PPM1L: variants seen among roughly 807,000 people sequenced by gnomAD.
PPM1L encodes the protein protein phosphatase 1L.
PPM1L carries 13 observed loss-of-function variants against 31.4 expected under a neutral mutation model. The ratio of observed to expected loss-of-function variants is 0.41; its 90% CI spans 0.27 to 0.66. The LOEUF (loss-of-function observed/expected upper bound fraction) is 0.66. Among genes scored for constraint, PPM1L ranks in the 30% least tolerant of loss-of-function variants. PPM1L has a pLI of 0.29. For synonymous variants in PPM1L, 184 were observed against 175.4 expected (o/e 1.05, Z -0.39); for missense variants, 326 against 453.7 (o/e 0.72, Z 2.56).
intron 1 of PPM1L, among the ~76,000 whole-genome samples, chr3:160,796,126 T>C (rs1400070175): frequency 6.6e-6 from 1 of 152,212 alleles, no homozygotes; most frequent in East Asian, 1.9e-4. Flanking sequence ...AAATCTCTAC[T>C]CTTTTCTTTG....
intron 2 of PPM1L, among the ~76,000 whole-genome samples, chr3:161,056,326 A>G (rs1009282935): frequency 6.6e-6 from 1 of 152,154 alleles, no homozygotes; most frequent in Non-Finnish European, 1.5e-5. Flanking sequence ...CATCATTGTC[A>G]CCACTATTCC....
intron 1 of PPM1L, among the ~76,000 whole-genome samples, chr3:160,775,440 A>G (rs1711540504): frequency 6.6e-6 from 1 of 152,188 alleles, no homozygotes; most frequent in South Asian, 2.1e-4. Flanking sequence ...ACTCATGTTT[A>G]TTCTCTTTGC....
rs760907219 is a variant in PPM1L, at chr3:161,031,502, C to CTTTTTTTTTTTTTTTTTTTTTTTT, written c.575-33885_575-33884insTTTTTTTTTTTTTTTTTTTTTTTT. Among the ~76,000 whole-genome samples, 12 of 101,668 alleles carry CTTTTTTTTTTTTTTTTTTTTTTTT rather than the reference C, an allele frequency of 1.2e-4. 1 individual carries two copies. Among genetic ancestry groups the CTTTTTTTTTTTTTTTTTTTTTTTT allele is most frequent in the East Asian group, 4.2e-4 (1 of 2,390 alleles). 66.7% of individuals were successfully genotyped at this position (101,668 alleles called of 152,430 possible). A position where few individuals can be genotyped will look rare whatever the true frequency, so the allele number is the denominator to read the frequency against. ...GTGAATGGCAGCTATGTATTCTGTCCTTTTTTTTTTTTTTTTGAGAGAGAG... is the reference window on the plus strand; with the variant it reads ...GTGAATGGCAGCTATGTATTCTGTCCTTTTTTTTTTTTTTTTTTTTTTTTTTTTTTTTTTTTTTTTGAGAGAGAG... On this transcript the variant is annotated intron_variant, in intron 2 of 3. Coordinates refer to ENST00000498165, the MANE Select transcript of PPM1L (RefSeq NM_139245.4).
intron 1 of PPM1L, among the ~76,000 whole-genome samples, chr3:160,821,158 C>G (rs1050308745): frequency 6.6e-6 from 1 of 151,940 alleles, no homozygotes; most frequent in African/African-American, 2.4e-5. Flanking sequence ...CTTTTCCTTC[C>G]CCTATTCCTC....
intron 2 of PPM1L, among the ~76,000 whole-genome samples, chr3:160,972,285 G>A (rs917351595): frequency 5.8e-4 from 88 of 151,854 alleles, no homozygotes; most frequent in African/African-American, 2.1e-3. Context: ...TGCCATGTTG[G>A]TGTGCTGCAC....
In PPM1L at chr3:160,828,076, CA is replaced by C. The variant is rs376990038; in HGVS notation, c.399+71370del. The stretch of plus-strand genomic sequence containing the variant: ...GAGGGATCCACCCTCATGACGCAAA[CA>C]CCTCCCACCAGGCCGCACCTCCAGC... On this transcript the variant is annotated intron_variant, in intron 1 of 3. Coordinates refer to ENST00000498165, the MANE Select transcript of PPM1L (RefSeq NM_139245.4). Among the ~76,000 whole-genome samples the C allele has an allele frequency of 2.4e-4, 36 of 152,086 alleles. 2 individuals are homozygous for C. The East Asian group carries it at 3.9e-3, about 16-fold the overall frequency.
At chr3:160,932,840 G>A (rs763238661) in intron 1 of PPM1L, among the ~76,000 whole-genome samples, 15 of 152,118 alleles carry the variant, frequency 9.9e-5, no homozygotes, top group Non-Finnish European at 1.5e-4. Flanking sequence ...ACTGCTAAAC[G>A]ACCTGGGGAA....
chr3:161,024,781 G>T (rs982155800), intron 2 of PPM1L, among the ~76,000 whole-genome samples: 6 of 151,904 alleles, frequency 3.9e-5, no homozygotes, highest in Admixed American at 3.3e-4. Flanking sequence ...AGTTTTCTGG[G>T]GATGGAGCTC....
chr3:160,944,981 TA>T (rs1377627442), intron 1 of PPM1L, among the ~76,000 whole-genome samples: 4 of 40,858 alleles, frequency 9.8e-5, no homozygotes, highest in East Asian at 3.2e-4. Context: ...TATATATAAC[TA>T]TATATAACAT....
In PPM1L at chr3:161,065,434, T is replaced by TA; in HGVS notation, c.609dup (p.Asp204ArgfsTer9). 1 of 1,614,060 alleles carries TA rather than the reference T, an allele frequency of 6.2e-7. No homozygotes were observed. Among genetic ancestry groups the TA allele is most frequent in the Non-Finnish European group, 8.5e-7 (1 of 1,179,960 alleles). On this transcript the variant is annotated frameshift_variant, in exon 3 of 4. Transcript: ENST00000498165. LOFTEE classifies it high-confidence loss of function. ...CGTGTTTGATTGCTCTGCTATCAGATAAAGACCTCACTGTGGCCAACGTGG... is the reference window on the plus strand; with the variant it reads ...CGTGTTTGATTGCTCTGCTATCAGATAAAAGACCTCACTGTGGCCAACGTGG...
At position 160,961,927 on chromosome 3, in the gene PPM1L, A is replaced by T; in HGVS notation, c.574+17A>T. On this transcript the variant is annotated intron_variant, in intron 2 of 3. Coordinates refer to ENST00000498165, the MANE Select transcript of PPM1L (RefSeq NM_139245.4). ...ATGAAGCAGGTATGTTTGTTTTTAA[A>T]ACACACATTTTTTTTCCTTGCAAAA... is the stretch of plus-strand genomic sequence containing the variant. The T allele has an allele frequency of 1.3e-6, 2 of 1,531,538 alleles. No homozygotes were observed. Among genetic ancestry groups the T allele is most frequent in the Non-Finnish European group, 1.7e-6 (2 of 1,145,228 alleles). 94.9% of individuals were successfully genotyped at this position (1,531,538 alleles called of 1,614,324 possible).
At chr3:160,807,592 G>A (rs1198904744) in intron 1 of PPM1L, among the ~76,000 whole-genome samples, 1 of 152,146 alleles carries the variant, frequency 6.6e-6, no homozygotes, top group Non-Finnish European at 1.5e-5. Context: ...TATCTGATGT[G>A]GATAACGCAC....
intron 1 of PPM1L, among the ~76,000 whole-genome samples, chr3:160,931,984 A>G (rs1167653533): frequency 8.0e-6 from 1 of 125,594 alleles, no homozygotes; most frequent in African/African-American, 2.5e-5. Flanking sequence ...CAGAGGAGTC[A>G]TTCTTTTGTT....
chr3:161,001,887 G>A (rs1244101817), intron 2 of PPM1L, among the ~76,000 whole-genome samples: 2 of 152,054 alleles, frequency 1.3e-5, no homozygotes, highest in African/African-American at 4.8e-5. Context: ...TGCACAAGGT[G>A]CAGGTTAGTT....
chr3:160,781,871 G>T (rs1711756921), intron 1 of PPM1L, among the ~76,000 whole-genome samples: 1 of 152,138 alleles, frequency 6.6e-6, no homozygotes, highest in African/African-American at 2.4e-5. Context: ...GTACCTATGT[G>T]TCTTGTTTAA....
intron 2 of PPM1L, among the ~76,000 whole-genome samples, chr3:161,041,750 AAAAC>A (rs989783073): frequency 1.1e-4 from 16 of 152,274 alleles, no homozygotes; most frequent in African/African-American, 2.6e-4. Flanking sequence ...TGTGCCTCAA[AAAAC>A]AAACAAACAA....
At chr3:160,873,842 A>T (rs1047410296) in intron 1 of PPM1L, among the ~76,000 whole-genome samples, 18 of 152,100 alleles carry the variant, frequency 1.2e-4, no homozygotes, top group African/African-American at 4.1e-4. Flanking sequence ...AATTAATTTA[A>T]TACACGTCAC....
At chr3:161,010,256 G>T (rs1312477346) in intron 2 of PPM1L, among the ~76,000 whole-genome samples, 1 of 151,958 alleles carries the variant, frequency 6.6e-6, no homozygotes, top group Non-Finnish European at 1.5e-5. Flanking sequence ...TGCAGTGTTT[G>T]GTTTTTTGTC....
intron 1 of PPM1L, among the ~76,000 whole-genome samples, chr3:160,939,335 T>A (rs1715083544): frequency 6.6e-6 from 1 of 152,190 alleles, no homozygotes; most frequent in Non-Finnish European, 1.5e-5. Flanking sequence ...TATGTCTTTA[T>A]ATAGAATGTA....
Sources: allele counts gnomAD v4.1 joint callset (sites outside exome capture counted in the v4.1 genomes callset), GRCh38; gene constraint gnomAD v4.1.1; transcripts MANE v1.5; gene names NCBI Gene and HGNC (gene_info 2026-07-23, HGNC 2026-07-21).